ZNF429: variants seen among roughly 807,000 people sequenced by gnomAD.
ZNF429 encodes the protein zinc finger protein 429.
Under a neutral mutation model 56.8 loss-of-function variants are expected in ZNF429, and 53 were observed. The observed-to-expected ratio is 0.93, with a 90% confidence interval of 0.75 to 1.17. The LOEUF (loss-of-function observed/expected upper bound fraction) is 1.17. Ranked by LOEUF, ZNF429 falls within the 50% of genes most tolerant of loss-of-function variation. ZNF429 has a pLI of 0.00. For missense variants in ZNF429, 849 were observed against 788.4 expected (o/e 1.08, Z -0.92); for synonymous variants, 278 against 264.7 (o/e 1.05, Z -0.49).
At chr19:21,526,349 T>G (rs556756072) in intron 1 of ZNF429, among the ~76,000 whole-genome samples, 2 of 152,130 alleles carry the variant, frequency 1.3e-5, no homozygotes, top group Non-Finnish European at 2.9e-5. Flanking sequence ...TCCCCCAAAG[T>G]CCCCAAAGTC....
In ZNF429 at chr19:21,538,626, G is replaced by A. The variant is rs550022536; in HGVS notation, c.*548G>A. 7.9e-5 allele frequency: 12 copies of A among 152,176 alleles called. 1 individual carries two copies. The highest frequency in any genetic ancestry group is 7.9e-4 in the Admixed American group (12 of 15,274). 9.4% of individuals were successfully genotyped at this position (152,176 alleles called of 1,614,324 possible). On this transcript the variant is annotated 3_prime_UTR_variant, in exon 4 of 4. Transcript: ENST00000358491. ...AAAATATATAAATAAATAAAAGAAAGAAAATTCATAGTAGAGAGAAACCTT... is the reference window on the plus strand; with the variant it reads ...AAAATATATAAATAAATAAAAGAAAAAAAATTCATAGTAGAGAGAAACCTT...
At chr19:21,518,840 G>A (rs546855460) in intron 1 of ZNF429, 4 of 106,184 alleles carry the variant, frequency 3.8e-5, no homozygotes, top group South Asian at 2.9e-4. Flanking sequence ...TTACAGGCAT[G>A]AGCCATCGTG....
chr19:21,532,379 C>T, intron 3 of ZNF429, among the ~76,000 whole-genome samples: 2 of 151,752 alleles, frequency 1.3e-5, no homozygotes, highest in Non-Finnish European at 2.9e-5. Flanking sequence ...TATTTCAACA[C>T]TATAGTAATA....
intron 1 of ZNF429, among the ~76,000 whole-genome samples, chr19:21,525,402 A>AGT (rs2033126930): frequency 6.6e-6 from 1 of 152,180 alleles, no homozygotes; most frequent in African/African-American, 2.4e-5. Flanking sequence ...CAGAACTGGA[A>AGT]GTACCCCCAC....
chr19:21,506,664 C>T (rs868435503), intron 1 of ZNF429, among the ~76,000 whole-genome samples: 2 of 150,396 alleles, frequency 1.3e-5, no homozygotes, highest in Non-Finnish European at 1.5e-5. Context: ...ACAAAATTTC[C>T]TGGTTATGTA....
At chr19:21,531,220 A>G in intron 3 of ZNF429, among the ~76,000 whole-genome samples, 1 of 151,902 alleles carries the variant, frequency 6.6e-6, no homozygotes, top group Non-Finnish European at 1.5e-5. Flanking sequence ...AATGGGGATT[A>G]ACAACTACCA....
At chr19:21,536,137 T>C in intron 3 of ZNF429, 143 bp from the exon 4 acceptor site, 2 of 842,848 alleles carry the variant, frequency 2.4e-6, no homozygotes, top group South Asian at 2.3e-5. Flanking sequence ...GTTATATTTA[T>C]ATGTTTATGA....
intron 1 of ZNF429, among the ~76,000 whole-genome samples, chr19:21,509,915 T>C (rs2032369350): frequency 6.6e-6 from 1 of 151,986 alleles, no homozygotes; most frequent in African/African-American, 2.4e-5. Flanking sequence ...TTTAATAATT[T>C]TTTTTTTTTT....
intron 1 of ZNF429, among the ~76,000 whole-genome samples, chr19:21,514,818 C>T (rs1027297208): frequency 2.6e-5 from 4 of 152,032 alleles, no homozygotes; most frequent in Admixed American, 2.0e-4. Context: ...AGGCTTGTCT[C>T]GAACTCCTGA....
At chr19:21,516,833 A>C (rs754295126) in intron 1 of ZNF429, among the ~76,000 whole-genome samples, 3 of 152,158 alleles carry the variant, frequency 2.0e-5, no homozygotes, top group Admixed American at 2.0e-4. Flanking sequence ...CAGTCTAAAG[A>C]GCTTTTGCAC....
rs1193462765 is a variant in ZNF429, at chr19:21,538,609, T to C, written c.*531T>C. ...AACAAGACTCTGTCTAAAAAATATA[T>C]AAATAAATAAAAGAAAGAAAATTCA... is the stretch of plus-strand genomic sequence containing the variant. On this transcript the variant is annotated 3_prime_UTR_variant, in exon 4 of 4. Transcript: ENST00000358491. 1.3e-5 allele frequency: 2 copies of C among 151,836 alleles called. No individual in the cohort carries two copies. Among genetic ancestry groups the C allele is most frequent in the African/African-American group, 4.8e-5 (2 of 41,316 alleles). 9.4% of individuals were successfully genotyped at this position (151,836 alleles called of 1,614,324 possible). A position where few individuals can be genotyped will look rare whatever the true frequency, so the allele number is the denominator to read the frequency against.
intron 1 of ZNF429, among the ~76,000 whole-genome samples, chr19:21,514,223 A>G (rs1376027500): frequency 6.6e-6 from 1 of 152,188 alleles, no homozygotes; most frequent in African/African-American, 2.4e-5. Flanking sequence ...AGGGGTACAC[A>G]TGCAGGTTTA....
At chr19:21,509,530 T>A (rs2032352585) in intron 1 of ZNF429, among the ~76,000 whole-genome samples, 1 of 152,180 alleles carries the variant, frequency 6.6e-6, no homozygotes, top group South Asian at 2.1e-4. Context: ...AGGCTAATAT[T>A]GAGCCTGCAA....
At chr19:21,507,588 C>T (rs2032240320) in intron 1 of ZNF429, 1 of 152,080 alleles carries the variant, frequency 6.6e-6, no homozygotes. Flanking sequence ...GTGATGTGTC[C>T]TCAGCCACCC....
chr19:21,512,194 T>C (rs942818201), intron 1 of ZNF429, among the ~76,000 whole-genome samples: 1 of 152,162 alleles, frequency 6.6e-6, no homozygotes, highest in Non-Finnish European at 1.5e-5. Flanking sequence ...TTCCTGATAT[T>C]GCATTGGCAT....
Position 21,536,613 on chromosome 19 carries a change from A to C in ZNF429, c.560A>C (p.Gln187Pro). 6.2e-7 allele frequency: 1 copy of C among 1,613,780 alleles called. No individual in the cohort carries two copies. The highest frequency in any genetic ancestry group is 8.5e-7 in the Non-Finnish European group (1 of 1,179,864). Residue 187 changes from glutamine to proline, a missense_variant, in exon 4 of 4, where the codon CAA (glutamine) becomes CCA (proline). Gln to Pro is a moderately conservative substitution (Grantham distance 76). Coordinates refer to ENST00000358491, the MANE Select transcript of ZNF429 (RefSeq NM_001001415.4). ...KCGKSFCMLS[Q>P]LTQHKKIHIR... ...GGCAAATCATTTTGCATGCTTTCAC[A>C]ACTAACTCAACATAAGAAAATTCAT... is the stretch of plus-strand genomic sequence containing the variant.
At chr19:21,528,342 A>AAG (rs1005473511) in intron 1 of ZNF429, among the ~76,000 whole-genome samples, 1 of 152,148 alleles carries the variant, frequency 6.6e-6, no homozygotes, top group Non-Finnish European at 1.5e-5. Context: ...TCTAAAAAAT[A>AAG]ATATATATTA....
In ZNF429 at chr19:21,539,070, CA is replaced by C. The variant is rs2033829469; in HGVS notation, c.*997del. ...AAATTTGGAAAAACTTTTTTTTCCC[CA>C]AAAACTATACCTCAGGAAACAATGG... On this transcript the variant is annotated 3_prime_UTR_variant, in exon 4 of 4. Coordinates refer to ENST00000358491, the MANE Select transcript of ZNF429 (RefSeq NM_001001415.4). Among the ~76,000 whole-genome samples the C allele has an allele frequency of 6.6e-6, 1 of 151,676 alleles. No homozygotes were observed. The highest frequency in any genetic ancestry group is 2.1e-4 in the South Asian group (1 of 4,798).
At position 21,537,831 on chromosome 19, in the gene ZNF429, A is replaced by G. The variant is rs771272242; in HGVS notation, c.1778A>G (p.Tyr593Cys). 3.3e-5 allele frequency: 53 copies of G among 1,613,698 alleles called. No homozygotes were observed. Among genetic ancestry groups the G allele is most frequent in the South Asian group, 3.1e-4 (28 of 91,084 alleles). The change falls in exon 4 of 4, where the codon TAC becomes TGC. Residue 593 changes from tyrosine (Y) to cysteine (C), a missense_variant. Transcript: ENST00000358491. ...HKKIHSGEKP[Y>C]KCEECGKAFN... ...AAAATTCATAGTGGAGAGAAACCCT[A>G]CAAATGTGAAGAATGTGGCAAAGCT...
Sources: gnomAD v4.1 joint callset for allele counts (sites outside exome capture counted in the v4.1 genomes callset) on GRCh38, gnomAD v4.1.1 for gene constraint, MANE v1.5 for transcripts, NCBI Gene and HGNC (gene_info 2026-07-23, HGNC 2026-07-21) for gene names.